Variants in SULT2A1 observed in about 807,000 individuals in gnomAD.
The protein encoded by SULT2A1 is sulfotransferase family 2A member 1.
A neutral mutation model predicts 33.9 loss-of-function variants in SULT2A1; 43 were observed. The observed-to-expected ratio is 1.27, with a 90% confidence interval of 1.00 to 1.64. The LOEUF (loss-of-function observed/expected upper bound fraction) is 1.64. Ranked by LOEUF, SULT2A1 falls within the 40% of genes most tolerant of loss-of-function variation. The pLI is 0.00. For missense variants in SULT2A1, 300 were observed against 335.1 expected, an observed-to-expected ratio of 0.90 and a Z score of 0.82; for synonymous variants, 125 against 113.6, an observed-to-expected ratio of 1.10 and a Z score of -0.64.
In SULT2A1 at chr19:47,886,142, A is replaced by G. The variant is rs774491560; in HGVS notation, c.116T>C (p.Ile39Thr). ...CTTACCTGATTTGGGGTAAGTCAAT[A>G]TTATTACATCTTCATCCCTTATCAC... The part of the protein sequence containing the change: ...EFVIRDEDVI[I>T]LTYPKSGTNW... Residue 39 changes from isoleucine (I) to threonine (T), a missense_variant, in exon 1 of 6, where the codon ATA (isoleucine) becomes ACA (threonine). Ile to Thr is a moderately conservative substitution (Grantham distance 89). Transcript: ENST00000222002. 28 of 1,613,944 alleles carry G rather than the reference A, an allele frequency of 1.7e-5. No homozygotes were observed. The highest frequency in any genetic ancestry group is 2.7e-5 in the African/African-American group (2 of 74,920).
intron 3 of SULT2A1, among the ~76,000 whole-genome samples, chr19:47,881,645 A>G (rs1399566987): frequency 2.0e-5 from 3 of 152,158 alleles, no homozygotes; most frequent in African/African-American, 4.8e-5. Flanking sequence ...GGAATTCTGC[A>G]TAACTAAATA....
At chr19:47,880,904 T>C (rs927051564) in intron 3 of SULT2A1, among the ~76,000 whole-genome samples, 13 of 151,680 alleles carry the variant, frequency 8.6e-5, no homozygotes, top group Non-Finnish European at 1.9e-4. Flanking sequence ...TAATTAATAA[T>C]TAGAGATAGG....
At chr19:47,881,657 A>G (rs1170067818) in intron 3 of SULT2A1, among the ~76,000 whole-genome samples, 2 of 152,120 alleles carry the variant, frequency 1.3e-5, no homozygotes, top group Non-Finnish European at 2.9e-5. Flanking sequence ...AACTAAATAT[A>G]TAGCGATCCT....
rs1053832857 is a variant in SULT2A1 at position 47,883,878 on chromosome 19, G to A, written c.137-93C>T. ...AATCCCAGCACTTTGGGAGGCTGAG[G>A]CAAGTGATCATGAGGTCAGGGGTTC... On this transcript the variant is annotated intron_variant, in intron 1 of 5. Transcript: ENST00000222002. The A allele has an allele frequency of 1.0e-5, 12 of 1,196,876 alleles. No homozygotes were observed. In the South Asian group the frequency reaches 1.4e-4, roughly 14 times the overall value. 74.1% of individuals were successfully genotyped at this position (1,196,876 alleles called of 1,614,324 possible). A position where few individuals can be genotyped will look rare whatever the true frequency, so the allele number is the denominator to read the frequency against.
rs750664796 is a variant in SULT2A1 at position 47,874,671 on chromosome 19, T to C, written c.731A>G (p.Gln244Arg). ...TTTTCTTTTACCTTTTCTCAGAAGT[T>C]GTGCTTTGTCCACTACATAATCAAC... ...LSVDYVVDKA[Q>R]LLRKGVSGDW... The change falls in exon 5 of 6, where the codon CAA becomes CGA. Residue 244 changes from glutamine (Q) to arginine (R), a missense_variant. Gln to Arg is a conservative substitution (Grantham distance 43). Transcript: ENST00000222002. 6 of 1,612,224 alleles carry C rather than the reference T, an allele frequency of 3.7e-6. No individual in the cohort carries two copies. In the South Asian group the frequency reaches 6.6e-5, roughly 18 times the overall value.
In SULT2A1 at chr19:47,871,307, A is replaced by G. The variant is rs1285385497; in HGVS notation, c.*148T>C. 1.5e-5 allele frequency: 10 copies of G among 667,506 alleles called. No homozygotes were observed. The highest frequency in any genetic ancestry group is 5.5e-5 in the African/African-American group (3 of 54,998). 41.3% of individuals were successfully genotyped at this position (667,506 alleles called of 1,614,324 possible). A position where few individuals can be genotyped will look rare whatever the true frequency, so the allele number is the denominator to read the frequency against. On this transcript the variant is annotated 3_prime_UTR_variant, in exon 6 of 6. Transcript: ENST00000222002. ...GCCTGGCCAACCCTGGTAACTTTTA[A>G]CAAGGAAGGGATCAGAGATGCAGAG...
chr19:47,882,814 C>T (rs1014058946), intron 2 of SULT2A1, among the ~76,000 whole-genome samples: 1 of 152,078 alleles, frequency 6.6e-6, no homozygotes, highest in Non-Finnish European at 1.5e-5. Flanking sequence ...ACTCAGGAGG[C>T]TGGAGCAGGA....
rs973807091 is a variant in SULT2A1, at chr19:47,871,066, T to A, written c.*389A>T. 6.0e-6 allele frequency: 1 copy of A among 168,044 alleles called. No individual in the cohort carries two copies. Among genetic ancestry groups the A allele is most frequent in the Non-Finnish European group, 1.3e-5 (1 of 78,518 alleles). The allele number at this position is 168,044 out of a possible 1,614,324, so 10.4% of individuals were successfully genotyped here. On this transcript the variant is annotated 3_prime_UTR_variant, in exon 6 of 6. Transcript: ENST00000222002. Reference sequence around the variant, plus strand: ...ATCATGTTGGCCAGGATGGTCTCGATCTCCTGACCCCGTGATCCTCCCCCA... The same window carrying A: ...ATCATGTTGGCCAGGATGGTCTCGAACTCCTGACCCCGTGATCCTCCCCCA...
chr19:47,883,918 C>A, intron 1 of SULT2A1, 133 bp from the exon 2 acceptor site: 2 of 777,520 alleles, frequency 2.6e-6, no homozygotes, highest in Non-Finnish European at 4.0e-6. Context: ...ATAGCCTGGC[C>A]AAGATGGTGA....
chr19:47,880,255 A>AAAAG (rs1968590645), intron 3 of SULT2A1, among the ~76,000 whole-genome samples: 2 of 150,848 alleles, frequency 1.3e-5, no homozygotes, highest in Non-Finnish European at 3.0e-5. Context: ...AAAAAAAAAA[A>AAAAG]AAACCTGAAG....
At chr19:47,885,210 C>T (rs1030771152) in intron 1 of SULT2A1, among the ~76,000 whole-genome samples, 12 of 152,122 alleles carry the variant, frequency 7.9e-5, no homozygotes, top group African/African-American at 2.2e-4. Context: ...GTTGCAAAAC[C>T]GAAACTCTAT....
chr19:47,873,912 C>T lies in SULT2A1; in HGVS notation c.745+745G>A, dbSNP rs914396566. On this transcript the variant is annotated intron_variant, in intron 5 of 5. Coordinates refer to ENST00000222002, the MANE Select transcript of SULT2A1 (RefSeq NM_003167.4). Reference sequence around the variant, plus strand: ...TGCTGGGATTACAGGCATGAGCCACCGCACCCGGCCCATCCAGGACAGATC... The same window carrying T: ...TGCTGGGATTACAGGCATGAGCCACTGCACCCGGCCCATCCAGGACAGATC... 6.6e-5 allele frequency among the ~76,000 whole-genome samples: 10 copies of T among 151,512 alleles called. No individual in the cohort carries two copies. In the South Asian group the frequency reaches 2.1e-3, roughly 32 times the overall value.
chr19:47,881,003 A>T (rs181860042), intron 3 of SULT2A1, among the ~76,000 whole-genome samples: 20 of 152,242 alleles, frequency 1.3e-4, no homozygotes, highest in African/African-American at 4.1e-4. Flanking sequence ...TGAGGGGTGG[A>T]GTAAGATAAA....
intron 4 of SULT2A1, among the ~76,000 whole-genome samples, chr19:47,876,694 G>A (rs1312525233): frequency 1.3e-5 from 2 of 150,476 alleles, no homozygotes; most frequent in South Asian, 2.1e-4. Context: ...CACTTGAACC[G>A]GAGAGGTGGA....
intron 4 of SULT2A1, among the ~76,000 whole-genome samples, chr19:47,878,070 T>C (rs1456117108): frequency 6.6e-6 from 1 of 152,178 alleles, no homozygotes; most frequent in African/African-American, 2.4e-5. Flanking sequence ...CAGCGCCCTC[T>C]CAACGCTTGG....
chr19:47,883,263 G>C (rs192045719), intron 2 of SULT2A1, among the ~76,000 whole-genome samples: 1 of 151,932 alleles, frequency 6.6e-6, no homozygotes, highest in East Asian at 1.9e-4. Flanking sequence ...AACCAAAGGC[G>C]GTTATCTAGT....
chr19:47,881,992 A>G (rs1243703952), intron 3 of SULT2A1, 92 bp downstream of exon 3: 1 of 1,548,284 alleles, frequency 6.5e-7, no homozygotes, highest in Non-Finnish European at 8.8e-7. Flanking sequence ...CTTTCAACCC[A>G]TGGGTTGGTG....
intron 3 of SULT2A1, among the ~76,000 whole-genome samples, chr19:47,879,817 T>C (rs1426545738): frequency 6.7e-6 from 1 of 148,872 alleles, no homozygotes; most frequent in African/African-American, 2.5e-5. Context: ...TTAGGAGATA[T>C]ACCTAATGTA....
intron 1 of SULT2A1, among the ~76,000 whole-genome samples, chr19:47,883,999 G>A (rs755307540): frequency 6.6e-6 from 1 of 151,002 alleles, no homozygotes; most frequent in Non-Finnish European, 1.5e-5. Context: ...CCAGCTACTT[G>A]GGAGGCTGAG....
Sources: allele counts gnomAD v4.1 joint callset (sites outside exome capture counted in the v4.1 genomes callset), GRCh38; gene constraint gnomAD v4.1.1; transcripts MANE v1.5; gene names NCBI Gene and HGNC (gene_info 2026-07-23, HGNC 2026-07-21).